Variants in MYMX observed in about 807,000 individuals in gnomAD.
MYMX encodes myomixer, myoblast fusion factor.
At chr6:44,200,985 A>G in the MYMX span, among the ~76,000 whole-genome samples, 1 of 151,868 alleles carries the variant, frequency 6.6e-6, no homozygotes, top group African/African-American at 2.4e-5. Context: ...GGGGAGTCCC[A>G]TCTGTCTGTG....
chr6:44,217,355 A>T (rs1775935195), intron 1 of MYMX, 95 bp from the exon 2 acceptor site: 1 of 397,684 alleles, frequency 2.5e-6, no homozygotes, highest in Admixed American at 4.4e-5. Context: ...GGAAGGTGTA[A>T]ACTGAAGGGA....
At chr6:44,201,354 C>T in the MYMX span, among the ~76,000 whole-genome samples, 1 of 152,074 alleles carries the variant, frequency 6.6e-6, no homozygotes, top group Non-Finnish European at 1.5e-5. Context: ...GTTCCTGGCC[C>T]CAAGGTCTCC....
At chr6:44,198,323 G>A in the MYMX span, among the ~76,000 whole-genome samples, 5 of 149,762 alleles carry the variant, frequency 3.3e-5, no homozygotes, top group African/African-American at 4.9e-5. Flanking sequence ...CCACTACCAC[G>A]CCCGGCTAAT....
rs189459234 is a variant in MYMX, at chr6:44,217,342, G to A, written c.-22-108G>A. ...AATGACCTACAAATTGAGGTCAGGA[G>A]CAGGAAGGTGTAAACTGAAGGGAGG... On this transcript the variant is annotated intron_variant, in intron 1 of 1. Coordinates refer to ENST00000573382, the MANE Select transcript of MYMX (RefSeq NM_001315494.2). 767 of 397,690 alleles carry A rather than the reference G, an allele frequency of 1.9e-3. 2 individuals carry two copies. The highest frequency in any genetic ancestry group is 3.1e-3 in the Middle Eastern group (5 of 1,590). 24.6% of individuals were successfully genotyped at this position (397,690 alleles called of 1,614,324 possible). A position where few individuals can be genotyped will look rare whatever the true frequency, so the allele number is the denominator to read the frequency against.
upstream of MYMX, among the ~76,000 whole-genome samples, chr6:44,215,422 T>TACA (rs1305250285): frequency 6.6e-6 from 1 of 151,084 alleles, no homozygotes; most frequent in Non-Finnish European, 1.5e-5. Context: ...AAATAAATTT[T>TACA]AAAAAGTAAC....
chr6:44,213,796 C>A (rs981476611), upstream of MYMX, among the ~76,000 whole-genome samples: 5 of 151,666 alleles, frequency 3.3e-5, no homozygotes, highest in African/African-American at 1.2e-4. Context: ...TTACAACTTC[C>A]CAAAATTCTA....
At chr6:44,199,147 G>T in the MYMX span, among the ~76,000 whole-genome samples, 1 of 152,042 alleles carries the variant, frequency 6.6e-6, no homozygotes, top group Non-Finnish European at 1.5e-5. Context: ...TACCAGATTG[G>T]CCAGATTGGT....
upstream of MYMX, among the ~76,000 whole-genome samples, chr6:44,211,967 G>T (rs1004834060): frequency 5.3e-5 from 8 of 151,994 alleles, no homozygotes; most frequent in Non-Finnish European, 1.0e-4. Context: ...TTAGAGACAG[G>T]ATTTTGCTAT....
chr6:44,217,746 A>G lies in MYMX; in HGVS notation c.*20A>G, dbSNP rs1775962157. ...AAGTGAGGCCACAAGTCCTGGCAGC[A>G]GCTGTATCCACAAAATGCTTTCTTT... On this transcript the variant is annotated 3_prime_UTR_variant, in exon 2 of 2. Transcript: ENST00000573382. 2.5e-6 allele frequency: 1 copy of G among 400,950 alleles called. No individual in the cohort carries two copies. The highest frequency in any genetic ancestry group is 2.1e-5 in the African/African-American group (1 of 48,724). The allele number at this position is 400,950 out of a possible 1,614,324, so 24.8% of individuals were successfully genotyped here. A position where few individuals can be genotyped will look rare whatever the true frequency, so the allele number is the denominator to read the frequency against.
the MYMX span, among the ~76,000 whole-genome samples, chr6:44,210,444 T>C: frequency 6.6e-6 from 1 of 152,030 alleles, no homozygotes; most frequent in South Asian, 2.1e-4. Flanking sequence ...CACTCCTGGC[T>C]GATGGTTTTA....
the MYMX span, among the ~76,000 whole-genome samples, chr6:44,200,612 G>A: frequency 6.6e-6 from 1 of 152,162 alleles, no homozygotes; most frequent in African/African-American, 2.4e-5. Context: ...ATCGCGCCTG[G>A]CCATCAGGTT....
the MYMX span, among the ~76,000 whole-genome samples, chr6:44,205,392 T>C: frequency 1.4e-3 from 209 of 152,278 alleles, 1 homozygote; most frequent in Non-Finnish European, 2.3e-3. Flanking sequence ...ATAGCAGTGG[T>C]TCACATCTAT....
At chr6:44,208,203 C>T in the MYMX span, among the ~76,000 whole-genome samples, 83 of 147,880 alleles carry the variant, frequency 5.6e-4, 1 homozygote, top group African/African-American at 2.1e-3. Context: ...GCTTTGATCA[C>T]ACCACTGCAT....
chr6:44,203,478 G>A, the MYMX span, among the ~76,000 whole-genome samples: 1 of 152,156 alleles, frequency 6.6e-6, no homozygotes, highest in Admixed American at 6.5e-5. Flanking sequence ...TTCTTAAAGG[G>A]GAAAGAGCAG....
upstream of MYMX, among the ~76,000 whole-genome samples, chr6:44,215,018 G>A (rs1775785167): frequency 6.6e-6 from 1 of 152,218 alleles, no homozygotes; most frequent in Non-Finnish European, 1.5e-5. Flanking sequence ...CTCTGCCTGT[G>A]AGTCTATACT....
At chr6:44,207,429 G>A in the MYMX span, among the ~76,000 whole-genome samples, 8 of 152,100 alleles carry the variant, frequency 5.3e-5, no homozygotes, top group East Asian at 3.8e-4. Context: ...ATGAGCCACC[G>A]TGCCTGGTGG....
the MYMX span, among the ~76,000 whole-genome samples, chr6:44,201,996 A>G: frequency 2.0e-5 from 2 of 98,152 alleles, no homozygotes; most frequent in Non-Finnish European, 5.3e-5. Context: ...ACCCAGACAC[A>G]TGTTTTTAAT....
the MYMX span, among the ~76,000 whole-genome samples, chr6:44,202,078 T>A: frequency 2.6e-5 from 4 of 151,864 alleles, no homozygotes; most frequent in African/African-American, 9.7e-5. Flanking sequence ...GCAGAAGGGG[T>A]GGGAAGAGCA....
chr6:44,216,936 C>T lies in MYMX; in HGVS notation c.-55C>T. ...CTATCTCCACTCCAGGCAAATCCAG[C>T]CAGAGACTGATTCTGAGCAGCAGTT... On this transcript the variant is annotated 5_prime_UTR_variant, in exon 1 of 2. Coordinates refer to ENST00000573382, the MANE Select transcript of MYMX (RefSeq NM_001315494.2). 1 of 153,114 alleles carries T rather than the reference C, an allele frequency of 6.5e-6. No homozygotes were observed. The highest frequency in any genetic ancestry group is 1.5e-5 in the Non-Finnish European group (1 of 68,654). The allele number at this position is 153,114 out of a possible 1,614,324, so 9.5% of individuals were successfully genotyped here. A position where few individuals can be genotyped will look rare whatever the true frequency, so the allele number is the denominator to read the frequency against.
Sources: allele counts gnomAD v4.1 joint callset (sites outside exome capture counted in the v4.1 genomes callset), GRCh38; gene constraint gnomAD v4.1.1; transcripts MANE v1.5; gene names NCBI Gene and HGNC (gene_info 2026-07-23, HGNC 2026-07-21).